The following SMYD3 variants were observed in gnomAD, a reference collection of about 807,000 sequenced individuals.
SMYD3 encodes SET and MYND domain containing 3, also known as histone-lysine N-methyltransferase SMYD3.
In SMYD3, 36 loss-of-function variants were observed where a neutral mutation model predicts 57.7. That is an observed-to-expected ratio of 0.62 (90% CI 0.48 to 0.82). SMYD3 has a LOEUF of 0.82. Ranked by LOEUF, SMYD3 falls within the 40% of genes least tolerant of loss-of-function variation. The pLI, the probability that SMYD3 is intolerant of heterozygous loss-of-function variation, is 0.00. For synonymous variants in SMYD3, 211 were observed against 195.0 expected (o/e 1.08, Z -0.68); for missense variants, 515 against 538.8 (o/e 0.96, Z 0.44).
At chr1:245,814,675 C>T (rs1342576240) in intron 10 of SMYD3, among the ~76,000 whole-genome samples, 1 of 152,096 alleles carries the variant, frequency 6.6e-6, no homozygotes, top group Non-Finnish European at 1.5e-5. Flanking sequence ...TAAGCTTGTG[C>T]CGGCTCTGCT....
chr1:246,498,516 G>A (rs569028220), intron 1 of SMYD3, among the ~76,000 whole-genome samples: 8 of 152,174 alleles, frequency 5.3e-5, no homozygotes, highest in African/African-American at 1.2e-4. Flanking sequence ...GGTGGATCAC[G>A]AGGTCAGGAG....
chr1:246,400,980 C>T (rs1367810574), intron 1 of SMYD3, among the ~76,000 whole-genome samples: 2 of 152,152 alleles, frequency 1.3e-5, no homozygotes, highest in African/African-American at 4.8e-5. Flanking sequence ...AAATCTGAAG[C>T]TCATAAATCA....
chr1:246,070,663 T>C (rs1055071463), intron 5 of SMYD3, among the ~76,000 whole-genome samples: 7 of 152,218 alleles, frequency 4.6e-5, no homozygotes, highest in Admixed American at 2.6e-4. Context: ...CAGAACAAAG[T>C]GAATGGCGAG....
intron 5 of SMYD3, among the ~76,000 whole-genome samples, chr1:245,974,473 T>C (rs959974549): frequency 1.3e-5 from 2 of 151,456 alleles, no homozygotes; most frequent in Non-Finnish European, 2.9e-5. Context: ...CCTAAAGCCA[T>C]CGTCTCCGGC....
At chr1:246,142,783 TAG>T (rs1458769236) in intron 5 of SMYD3, among the ~76,000 whole-genome samples, 1 of 152,216 alleles carries the variant, frequency 6.6e-6, no homozygotes, top group Non-Finnish European at 1.5e-5. Context: ...GTACTTTCAG[TAG>T]AGAGTTCTCG....
intron 5 of SMYD3, chr1:245,930,301 T>C: frequency 2.7e-6 from 1 of 364,184 alleles, no homozygotes; most frequent in East Asian, 7.2e-5. Context: ...ACTAGACTCC[T>C]GCTGTATCAC....
chr1:245,991,547 T>A (rs539509820), intron 5 of SMYD3, among the ~76,000 whole-genome samples: 36 of 152,290 alleles, frequency 2.4e-4, no homozygotes, highest in African/African-American at 8.4e-4. Context: ...AACTCAAAGA[T>A]GGACAAAGGC....
At chr1:246,311,512 C>A (rs1325193395) in intron 5 of SMYD3, among the ~76,000 whole-genome samples, 3 of 152,360 alleles carry the variant, frequency 2.0e-5, no homozygotes, top group Admixed American at 6.5e-5. Context: ...CACAAGCCCA[C>A]TCAGCTACTG....
At chr1:245,956,062 T>C (rs2057831352) in intron 5 of SMYD3, 2 of 983,664 alleles carry the variant, frequency 2.0e-6, no homozygotes, top group Non-Finnish European at 2.4e-6. Flanking sequence ...TACTAGGTTA[T>C]ACAAATAGAT....
chr1:246,235,718 C>G (rs1488607523), intron 5 of SMYD3, among the ~76,000 whole-genome samples: 1 of 152,128 alleles, frequency 6.6e-6, no homozygotes, highest in Non-Finnish European at 1.5e-5. Context: ...CTAGCCTCTC[C>G]TCTAGGAAGG....
intron 8 of SMYD3, among the ~76,000 whole-genome samples, chr1:245,885,830 T>C (rs2362258): frequency 0.4 from 61,285 of 152,032 alleles, 15,617 homozygotes; most frequent in East Asian, 0.76. Flanking sequence ...ACCTTATTCA[T>C]AACATGAAGT....
intron 5 of SMYD3, among the ~76,000 whole-genome samples, chr1:246,234,167 C>T (rs1431991911): frequency 8.3e-6 from 1 of 121,086 alleles, no homozygotes; most frequent in East Asian, 4.6e-4. Flanking sequence ...AGAGGAGAAG[C>T]ACTCCTCAAT....
At chr1:246,348,417 GA>G (rs1043941656) in intron 2 of SMYD3, among the ~76,000 whole-genome samples, 2 of 149,594 alleles carry the variant, frequency 1.3e-5, no homozygotes, top group African/African-American at 2.5e-5. Context: ...CTCTGTCTCG[GA>G]AAAAAAAATA....
intron 11 of SMYD3, among the ~76,000 whole-genome samples, chr1:245,749,996 G>A (rs1310757641): frequency 6.6e-6 from 1 of 152,126 alleles, no homozygotes; most frequent in African/African-American, 2.4e-5. Flanking sequence ...TCATATGAAA[G>A]ACCATGCTGC....
At chr1:246,387,677 C>G (rs1009929702) in intron 1 of SMYD3, among the ~76,000 whole-genome samples, 1 of 152,154 alleles carries the variant, frequency 6.6e-6, no homozygotes, top group Admixed American at 6.5e-5. Context: ...GGAAGAAAAC[C>G]TGAAGGAAAA....
At chr1:246,328,371 C>A (rs1021615066) in intron 4 of SMYD3, among the ~76,000 whole-genome samples, 2 of 152,152 alleles carry the variant, frequency 1.3e-5, no homozygotes, top group African/African-American at 4.8e-5. Context: ...CAATTAATAA[C>A]ATGTGAGAGC....
chr1:246,210,731 A>C (rs1010690093), intron 5 of SMYD3, among the ~76,000 whole-genome samples: 2 of 151,930 alleles, frequency 1.3e-5, no homozygotes, highest in African/African-American at 4.8e-5. Flanking sequence ...AACAAAAAAA[A>C]CAGAATTGGC....
intron 5 of SMYD3, among the ~76,000 whole-genome samples, chr1:245,935,814 T>C (rs527947915): frequency 6.6e-6 from 1 of 152,282 alleles, no homozygotes; most frequent in South Asian, 2.1e-4. Context: ...ATCTCACTTA[T>C]ATGTGGAATA....
intron 2 of SMYD3, among the ~76,000 whole-genome samples, chr1:246,348,060 T>TCATATATA (rs1173574600): frequency 4.8e-5 from 4 of 83,008 alleles, no homozygotes; most frequent in Non-Finnish European, 8.0e-5. Context: ...AAAGAAAACG[T>TCATATATA]TATATATATA....
Sources: gnomAD v4.1 joint callset for allele counts (sites outside exome capture counted in the v4.1 genomes callset) on GRCh38, gnomAD v4.1.1 for gene constraint, MANE v1.5 for transcripts, NCBI Gene and HGNC (gene_info 2026-07-23, HGNC 2026-07-21) for gene names.